The following GPHN variants were observed in gnomAD, a reference collection of about 807,000 sequenced individuals.
GPHN encodes the protein gephyrin.
A neutral mutation model predicts 95.5 loss-of-function variants in GPHN; 17 were observed. That is an observed-to-expected ratio of 0.18 (90% CI 0.12 to 0.27). The LOEUF is 0.27. GPHN is among the 10% of genes least tolerant of loss of function. The probability of loss-of-function intolerance (pLI) is 1.00; values close to 1 mark genes in which losing one functional copy is unlikely to be tolerated. For synonymous variants in GPHN, 320 were observed against 322.5 expected, an observed-to-expected ratio of 0.99 and a Z score of 0.08; for missense variants, 660 against 978.1, an observed-to-expected ratio of 0.67 and a Z score of 4.34.
chr14:67,655,028 C>CAAAAAA, the GPHN span, among the ~76,000 whole-genome samples: 2 of 43,470 alleles, frequency 4.6e-5, no homozygotes, highest in East Asian at 6.5e-4. Flanking sequence ...GACTCCATCT[C>CAAAAAA]AAAAAAAAAA....
At chr14:66,619,493 T>TC (rs1487896018) in intron 1 of GPHN, among the ~76,000 whole-genome samples, 3 of 151,880 alleles carry the variant, frequency 2.0e-5, no homozygotes, top group Non-Finnish European at 4.4e-5. Flanking sequence ...CTCAGGTTTT[T>TC]TTTTTTTTAC....
At chr14:66,737,052 A>G (rs1018931725) in intron 2 of GPHN, among the ~76,000 whole-genome samples, 3 of 152,192 alleles carry the variant, frequency 2.0e-5, no homozygotes, top group Non-Finnish European at 4.4e-5. Flanking sequence ...TTATTTTCAA[A>G]TCTGCCTAGT....
the GPHN span, among the ~76,000 whole-genome samples, chr14:67,459,131 G>A: frequency 4.6e-5 from 7 of 151,706 alleles, no homozygotes; most frequent in African/African-American, 1.7e-4. Flanking sequence ...CCCATGATTC[G>A]CCCACCTCAG....
chr14:67,118,264 A>C (rs1011569568), intron 16 of GPHN, among the ~76,000 whole-genome samples: 2 of 152,218 alleles, frequency 1.3e-5, no homozygotes, highest in Non-Finnish European at 2.9e-5. Flanking sequence ...TCAGCAAAGA[A>C]CAGTACATTC....
chr14:67,498,450 T>G, the GPHN span, among the ~76,000 whole-genome samples: 2 of 152,252 alleles, frequency 1.3e-5, no homozygotes, highest in Non-Finnish European at 2.9e-5. Context: ...ACTTTCCCTT[T>G]ATTTCTTTCT....
intron 19 of GPHN, among the ~76,000 whole-genome samples, chr14:67,160,455 TTAA>T (rs2081906177): frequency 6.6e-6 from 1 of 152,094 alleles, no homozygotes; most frequent in Non-Finnish European, 1.5e-5. Flanking sequence ...CTCTTAAAAA[TTAA>T]TAATCCCTAA....
chr14:67,387,386 C>T, the GPHN span: 2 of 1,610,910 alleles, frequency 1.2e-6, no homozygotes, highest in South Asian at 2.2e-5. Context: ...TGCTGCTGGC[C>T]TGAATGTAAT....
the GPHN span, among the ~76,000 whole-genome samples, chr14:67,256,465 A>G: frequency 6.6e-6 from 1 of 152,264 alleles, no homozygotes; most frequent in African/African-American, 2.4e-5. Context: ...ATTTTATTTA[A>G]TACAATAAAG....
intron 4 of GPHN, among the ~76,000 whole-genome samples, chr14:66,864,602 G>C (rs761965443): frequency 3.7e-4 from 56 of 152,220 alleles, no homozygotes; most frequent in Admixed American, 7.2e-4. Flanking sequence ...GTAAAACCCT[G>C]TTTCTACTAA....
chr14:67,296,585 CAAAAAAAAAAAAA>C, the GPHN span, among the ~76,000 whole-genome samples: 19,640 of 51,118 alleles, frequency 0.38, 3,038 homozygotes, highest in East Asian at 0.61. Context: ...AACTCTGTCT[CAAAAAAAAAAAAA>C]AAAAAAAAAA....
At chr14:66,550,755 G>A (rs1001297826) in intron 1 of GPHN, among the ~76,000 whole-genome samples, 3 of 152,288 alleles carry the variant, frequency 2.0e-5, no homozygotes, top group African/African-American at 7.2e-5. Context: ...TCAGTCAGCA[G>A]CTATATACAT....
the GPHN span, among the ~76,000 whole-genome samples, chr14:67,536,898 A>T: frequency 6.6e-6 from 1 of 151,594 alleles, no homozygotes; most frequent in African/African-American, 2.4e-5. Flanking sequence ...AAAATTAGCC[A>T]GTGTGGTGGC....
At chr14:67,367,517 C>T in the GPHN span, among the ~76,000 whole-genome samples, 2 of 152,262 alleles carry the variant, frequency 1.3e-5, no homozygotes, top group Admixed American at 1.3e-4. Context: ...GCGTGAGCCA[C>T]CACGCCCCAC....
At chr14:67,187,014 C>G in the GPHN span, among the ~76,000 whole-genome samples, 1 of 151,978 alleles carries the variant, frequency 6.6e-6, no homozygotes, top group Admixed American at 6.5e-5. Flanking sequence ...AAGAATGCAA[C>G]GTCAGGAAGG....
At chr14:67,023,725 C>T in intron 10 of GPHN, 50 bp downstream of exon 10, 1 of 1,414,528 alleles carries the variant, frequency 7.1e-7, no homozygotes, top group South Asian at 1.2e-5. Flanking sequence ...GCTTATAAAG[C>T]TAAAAATGAT....
chr14:67,363,409 T>G, the GPHN span, among the ~76,000 whole-genome samples: 1 of 152,188 alleles, frequency 6.6e-6, no homozygotes, highest in African/African-American at 2.4e-5. Context: ...ACTAATAGTT[T>G]GCACTTATTG....
intron 3 of GPHN, among the ~76,000 whole-genome samples, chr14:66,815,841 C>A (rs868037382): frequency 6.6e-6 from 1 of 151,930 alleles, no homozygotes; most frequent in Non-Finnish European, 1.5e-5. Context: ...GCTAAATGCC[C>A]CAATTAAAAA....
At chr14:67,600,929 G>A in the GPHN span, among the ~76,000 whole-genome samples, 1 of 152,194 alleles carries the variant, frequency 6.6e-6, no homozygotes, top group Non-Finnish European at 1.5e-5. Flanking sequence ...ATTTCTCTAA[G>A]CCAGAGTGAG....
At chr14:66,845,075 A>C (rs2062263813) in intron 4 of GPHN, among the ~76,000 whole-genome samples, 2 of 152,120 alleles carry the variant, frequency 1.3e-5, no homozygotes, top group African/African-American at 4.8e-5. Context: ...TTTAACTCTG[A>C]CCATTATTCC....
Sources: allele counts gnomAD v4.1 joint callset (sites outside exome capture counted in the v4.1 genomes callset), GRCh38; gene constraint gnomAD v4.1.1; transcripts MANE v1.5; gene names NCBI Gene and HGNC (gene_info 2026-07-23, HGNC 2026-07-21).